DOK3: variants seen among roughly 807,000 people sequenced by gnomAD.
DOK3 encodes the protein docking protein 3, also known as Dok-like protein.
DOK3 carries 23 observed loss-of-function variants against 26.2 expected under a neutral mutation model. The ratio of observed to expected loss-of-function variants is 0.88; its 90% confidence interval spans 0.63 to 1.24. DOK3 has a LOEUF of 1.24. Among genes scored for constraint, DOK3 ranks in the 50% most tolerant of loss-of-function variants. The pLI is 0.00. For synonymous variants in DOK3, 268 were observed against 268.2 expected (o/e 1.00, Z 0.01); for missense variants, 619 against 610.6 (o/e 1.01, Z -0.15).
chr5:177,510,010 T>A, upstream of DOK3: 2 of 928,566 alleles, frequency 2.2e-6, no homozygotes, highest in Non-Finnish European at 3.2e-6. Context: ...GCTGCTTTTC[T>A]TTCTCCCTGA....
In DOK3 at chr5:177,504,588, C is replaced by A. The variant is rs766601742; in HGVS notation, c.718G>T (p.Ala240Ser). 3 of 1,607,566 alleles carry A rather than the reference C, an allele frequency of 1.9e-6. No individual in the cohort carries two copies. The highest frequency in any genetic ancestry group is 3.4e-5 in the Admixed American group (2 of 59,100). Residue 240 changes from alanine (A) to serine (S), a missense_variant, in exon 6 of 6, where the codon GCC becomes TCC. Coordinates refer to ENST00000510898, the MANE Select transcript of DOK3 (RefSeq NM_001308236.3). The part of the protein sequence containing the change: ...EGLFAFSTPC[A>S]PDLCRAVAGA... ...GCCACAGCCCTGCACAGGTCAGGGG[C>A]ACAGGGGGTGCTGAAGGCAAAGAGG...
chr5:177,509,003 A>T (rs1444042690), intron 2 of DOK3: 1 of 187,754 alleles, frequency 5.3e-6, no homozygotes, highest in Non-Finnish European at 1.1e-5. Context: ...CTGACGGTTT[A>T]TCTGCCTGGG....
At chr5:177,505,948 C>T (rs1760094454) in intron 3 of DOK3, among the ~76,000 whole-genome samples, 1 of 151,588 alleles carries the variant, frequency 6.6e-6, no homozygotes, top group Non-Finnish European at 1.5e-5. Flanking sequence ...CCATGTTAGC[C>T]AGGATGATCT....
chr5:177,503,987 G>T lies in DOK3; in HGVS notation c.1319C>A (p.Pro440His), dbSNP rs1759658907. ...GGCCACCACTCTGCTGGGCGTTCAG[G>T]GCCGGTCACAAGGGGCTGGGCCCTT... ...RRKGPAPCDR[P>H] The change falls in exon 6 of 6, where the codon CCC becomes CAC. Residue 440 changes from proline to histidine, a missense_variant. By Grantham distance (77) the Pro-to-His change is moderately conservative. Transcript: ENST00000510898. 3 of 1,546,372 alleles carry T rather than the reference G, an allele frequency of 1.9e-6. No individual in the cohort carries two copies. Among genetic ancestry groups the T allele is most frequent in the Non-Finnish European group, 2.6e-6 (3 of 1,146,360 alleles).
At chr5:177,505,974 A>G (rs542454082) in intron 3 of DOK3, among the ~76,000 whole-genome samples, 3 of 151,290 alleles carry the variant, frequency 2.0e-5, no homozygotes, top group East Asian at 1.9e-4. Context: ...TCCTGACCTC[A>G]TGATCCGCCT....
rs1313070266 is a variant in DOK3 at position 177,507,365 on chromosome 5, C to T, written c.372+872G>A. Among the ~76,000 whole-genome samples the T allele has an allele frequency of 6.6e-5, 10 of 152,140 alleles. No homozygotes were observed. The East Asian group carries it at 1.7e-3, about 26-fold the overall frequency. ...AGTATTCCATCTTGCGGACGGACCA[C>T]GTTTTGCTTATCCATTTGTCAGCTG... is the stretch of plus-strand genomic sequence containing the variant. On this transcript the variant is annotated intron_variant, in intron 3 of 5. Transcript: ENST00000510898.
chr5:177,509,882 G>A (rs540692576), upstream of DOK3: 136 of 1,606,914 alleles, frequency 8.5e-5, no homozygotes, highest in South Asian at 1.2e-3. Flanking sequence ...GTCCCGCCCC[G>A]GGCAGCTGCG....
intron 2 of DOK3, chr5:177,508,743 A>G: frequency 1.9e-6 from 1 of 514,466 alleles, no homozygotes. Context: ...GCTCTTTCCT[A>G]ACTGTGACCT....
chr5:177,505,358 T>C (rs1286526466), intron 3 of DOK3, among the ~76,000 whole-genome samples: 1 of 152,158 alleles, frequency 6.6e-6, no homozygotes, highest in African/African-American at 2.4e-5. Context: ...TGCAGATCAC[T>C]GGGGACACAA....
At chr5:177,510,005 TTTTC>T, upstream of DOK3, 2 of 961,894 alleles carry the variant, frequency 2.1e-6, no homozygotes, top group Non-Finnish European at 3.1e-6. Context: ...ATCTTGCTGC[TTTTC>T]TTTCTCCCTG....
At chr5:177,509,873 T>G, upstream of DOK3, 1 of 1,608,642 alleles carries the variant, frequency 6.2e-7, no homozygotes, top group Non-Finnish European at 8.5e-7. Flanking sequence ...CCCTCCCCCG[T>G]CCCGCCCCGG....
rs1450998576 is a variant in DOK3 at position 177,508,239 on chromosome 5, G to C, written c.370C>G (p.Pro124Ala). 6.0e-6 allele frequency: 9 copies of C among 1,494,976 alleles called. No homozygotes were observed. The highest frequency in any genetic ancestry group is 2.0e-5 in the Admixed American group (1 of 50,112). The allele number at this position is 1,494,976 out of a possible 1,614,324, so 92.6% of individuals were successfully genotyped here. A position where few individuals can be genotyped will look rare whatever the true frequency, so the allele number is the denominator to read the frequency against. ...WMGPICQLAF[P>A]GTGEASSGST... Reference sequence around the variant, plus strand: ...GCCCCCCTGCTCGCCGCACTCACCGGGAAGGCCAGCTGGCAGATGGGGCCC... The same window carrying C: ...GCCCCCCTGCTCGCCGCACTCACCGCGAAGGCCAGCTGGCAGATGGGGCCC... Residue 124 changes from proline to alanine, a missense_variant and splice_region_variant, in exon 3 of 6, where the codon CCG becomes GCG. Physicochemically the swap from Pro to Ala is conservative, Grantham distance 27 (BLOSUM62 -1). Transcript: ENST00000510898.
rs1306565410 is a variant in DOK3 at position 177,504,776 on chromosome 5, G to C, written c.612C>G (p.Pro204=). 6.2e-7 allele frequency: 1 copy of C among 1,613,938 alleles called. No individual in the cohort carries two copies. The highest frequency in any genetic ancestry group is 8.5e-7 in the Non-Finnish European group (1 of 1,179,948). ...AGCCGAACTTGCGCAGGAAGTGGTA[G>C]GGCCAGCTGTAGAGGGCCTGGGTGC... ...AKGTQALYSW[P]YHFLRKFGSD... Residue 204 remains proline (P), a synonymous_variant, in exon 5 of 6, where the codon CCC becomes CCG. Coordinates refer to ENST00000510898, the MANE Select transcript of DOK3 (RefSeq NM_001308236.3).
chr5:177,508,127 G>C, intron 3 of DOK3, 110 bp downstream of exon 3: 1 of 1,290,302 alleles, frequency 7.8e-7, no homozygotes, highest in Non-Finnish European at 1.0e-6. Flanking sequence ...ACTTTTCCCA[G>C]GCTTGTAGGT....
At position 177,508,384 on chromosome 5, in the gene DOK3, A is replaced by T. The variant is rs746514207; in HGVS notation, c.225T>A (p.Ala75=). The T allele has an allele frequency of 6.2e-7, 1 of 1,603,410 alleles. No individual in the cohort carries two copies. Among genetic ancestry groups the T allele is most frequent in the Non-Finnish European group, 8.5e-7 (1 of 1,179,196 alleles). Residue 75 remains alanine, a synonymous_variant, in exon 3 of 6, where the codon GCT becomes GCA. Coordinates refer to ENST00000510898, the MANE Select transcript of DOK3 (RefSeq NM_001308236.3). ...RRGERRVIRL[A]DCVSVLPADG... is the part of the protein sequence containing the mutation. ...CAGCCGGCAGCACGGACACACAGTCAGCCAGGCGGATGACCCGTCGCTCCC... is the reference window on the plus strand; with the variant it reads ...CAGCCGGCAGCACGGACACACAGTCTGCCAGGCGGATGACCCGTCGCTCCC...
upstream of DOK3, chr5:177,509,915 G>C: frequency 6.3e-7 from 1 of 1,595,324 alleles, no homozygotes; most frequent in South Asian, 1.1e-5. Flanking sequence ...GACACTCCCT[G>C]GCCCTGCCTC....
At chr5:177,510,590 G>A (rs1760856585), upstream of DOK3, 1 of 152,366 alleles carries the variant, frequency 6.6e-6, no homozygotes, top group African/African-American at 2.4e-5. Context: ...CTCTGGGAGA[G>A]AACATGGAAG....
Position 177,503,462 on chromosome 5 carries a change from C to T in DOK3, c.*521G>A, listed in dbSNP as rs1380513392. The T allele has an allele frequency of 4.8e-6, 7 of 1,472,514 alleles. No homozygotes were observed. In the Admixed American group the frequency reaches 6.9e-5, roughly 14 times the overall value. 91.2% of individuals were successfully genotyped at this position (1,472,514 alleles called of 1,614,324 possible). Reference sequence around the variant, plus strand: ...AGGGTGTCTCTGAAATCCCTTCCACCTGCACCCCGCCCCCACTGCCTCCTC... The same window carrying T: ...AGGGTGTCTCTGAAATCCCTTCCACTTGCACCCCGCCCCCACTGCCTCCTC... On this transcript the variant is annotated 3_prime_UTR_variant, in exon 6 of 6. Transcript: ENST00000510898.
In DOK3 at chr5:177,503,768, C is replaced by T. The variant is rs2279398; in HGVS notation, c.*215G>A. 0.017 allele frequency: 24,220 copies of T among 1,418,996 alleles called. 2,137 individuals are homozygous for T. The East Asian group carries it at 0.3, about 17-fold the overall frequency. 87.9% of individuals were successfully genotyped at this position (1,418,996 alleles called of 1,614,324 possible). ...GGGCGTGTGCCGTGAGTGCCCCTGCCGGGAGCTGCTCTGAGCTTTATTATC... is the reference window on the plus strand; with the variant it reads ...GGGCGTGTGCCGTGAGTGCCCCTGCTGGGAGCTGCTCTGAGCTTTATTATC... On this transcript the variant is annotated 3_prime_UTR_variant, in exon 6 of 6. Coordinates refer to ENST00000510898, the MANE Select transcript of DOK3 (RefSeq NM_001308236.3).
Sources: allele counts gnomAD v4.1 joint callset (sites outside exome capture counted in the v4.1 genomes callset), GRCh38; gene constraint gnomAD v4.1.1; transcripts MANE v1.5; gene names NCBI Gene and HGNC (gene_info 2026-07-23, HGNC 2026-07-21).